The following CTNNA2 variants were observed in gnomAD, a reference collection of about 807,000 sequenced individuals.
CTNNA2 encodes catenin alpha 2.
A neutral mutation model predicts 101.0 loss-of-function variants in CTNNA2; 42 were observed. The ratio of observed to expected loss-of-function variants is 0.42; its 90% confidence interval spans 0.32 to 0.54. The LOEUF is 0.54. Among genes scored for constraint, CTNNA2 ranks in the 20% least tolerant of loss-of-function variants. CTNNA2 has a pLI of 0.14. For missense variants in CTNNA2, 871 were observed against 1,223.1 expected, an observed-to-expected ratio of 0.71 and a Z score of 4.29; for synonymous variants, 450 against 456.4, an observed-to-expected ratio of 0.99 and a Z score of 0.18.
At chr2:79,937,802 ATTTC>A (rs1190890415) in intron 7 of CTNNA2, among the ~76,000 whole-genome samples, 1 of 152,192 alleles carries the variant, frequency 6.6e-6, no homozygotes, top group Non-Finnish European at 1.5e-5. Context: ...AGAGGACTAC[ATTTC>A]TTTCTAAGTA....
At chr2:80,613,769 C>A (rs1327882620) in intron 17 of CTNNA2, among the ~76,000 whole-genome samples, 1 of 151,492 alleles carries the variant, frequency 6.6e-6, no homozygotes, top group Non-Finnish European at 1.5e-5. Flanking sequence ...AGCTAGGATG[C>A]AAATCAAGCA....
intron 7 of CTNNA2, among the ~76,000 whole-genome samples, chr2:80,264,839 G>A (rs1276251209): frequency 2.0e-5 from 3 of 152,112 alleles, no homozygotes; most frequent in Non-Finnish European, 4.4e-5. Context: ...CTCAAGGTTT[G>A]TAGGAACAGA....
chr2:79,260,359 G>A (rs938476012), intron 2 of CTNNA2, among the ~76,000 whole-genome samples: 1 of 152,158 alleles, frequency 6.6e-6, no homozygotes, highest in Non-Finnish European at 1.5e-5. Flanking sequence ...AATGGGTGCT[G>A]TAATCAAGCA....
At chr2:80,118,075 C>G (rs1701624720) in intron 7 of CTNNA2, among the ~76,000 whole-genome samples, 1 of 152,214 alleles carries the variant, frequency 6.6e-6, no homozygotes, top group Non-Finnish European at 1.5e-5. Context: ...TCCTCCCTCT[C>G]TCTCAACAGT....
intron 7 of CTNNA2, among the ~76,000 whole-genome samples, chr2:80,090,202 ATG>A (rs1699712238): frequency 1.4e-5 from 2 of 138,360 alleles, no homozygotes; most frequent in African/African-American, 2.7e-5. Context: ...GTGTGTATGC[ATG>A]TGTGTGTCTG....
chr2:80,279,468 G>A (rs1674193214), intron 7 of CTNNA2, among the ~76,000 whole-genome samples: 1 of 152,106 alleles, frequency 6.6e-6, no homozygotes. Context: ...TCTGTTTAAT[G>A]AGGGCATTAG....
chr2:79,879,993 A>G (rs1275529139), intron 6 of CTNNA2, among the ~76,000 whole-genome samples: 5 of 152,174 alleles, frequency 3.3e-5, no homozygotes, highest in Admixed American at 3.3e-4. Flanking sequence ...GGTATGTTCC[A>G]TCAATACTTA....
intron 4 of CTNNA2, among the ~76,000 whole-genome samples, chr2:79,401,373 A>G (rs1678288686): frequency 6.6e-6 from 1 of 151,642 alleles, no homozygotes; most frequent in Non-Finnish European, 1.5e-5. Flanking sequence ...CTCCTATTCA[A>G]TATGAGACAG....
At chr2:80,016,838 T>C (rs917778341) in intron 7 of CTNNA2, among the ~76,000 whole-genome samples, 9 of 152,204 alleles carry the variant, frequency 5.9e-5, no homozygotes, top group African/African-American at 2.2e-4. Flanking sequence ...AATGATAATC[T>C]GAGTTAATAG....
In CTNNA2 at chr2:80,401,861, C is replaced by T. The variant is rs1006928357; in HGVS notation, c.1137+8570C>T. On this transcript the variant is annotated intron_variant, in intron 8 of 18. Coordinates refer to ENST00000402739, the MANE Select transcript of CTNNA2 (RefSeq NM_001282597.3). ...CACACATTACCTCTAGTCACCAAAA[C>T]GTATGCGGTATGATTTTCCCTCACT... Among the ~76,000 whole-genome samples the T allele has an allele frequency of 4.6e-5, 7 of 151,900 alleles. No individual in the cohort carries two copies. In the East Asian group the frequency reaches 5.8e-4, roughly 13 times the overall value.
chr2:79,664,115 T>C (rs72923372), intron 2 of CTNNA2, among the ~76,000 whole-genome samples: 6,135 of 152,282 alleles, frequency 0.04, 404 homozygotes, highest in African/African-American at 0.14. Context: ...AATGTGTTTT[T>C]GTATGTTGAA....
chr2:80,060,428 C>A (rs1697504222), intron 7 of CTNNA2, among the ~76,000 whole-genome samples: 1 of 152,136 alleles, frequency 6.6e-6, no homozygotes, highest in South Asian at 2.1e-4. Flanking sequence ...TGCCTTGGAG[C>A]AGAAGCAGCT....
chr2:79,481,894 C>G, intron 4 of CTNNA2, among the ~76,000 whole-genome samples: 1 of 152,070 alleles, frequency 6.6e-6, no homozygotes, highest in East Asian at 1.9e-4. Context: ...GGAGGAGAAG[C>G]AACTGAAGAG....
At chr2:80,335,892 A>G (rs1290476354) in intron 7 of CTNNA2, among the ~76,000 whole-genome samples, 1 of 152,172 alleles carries the variant, frequency 6.6e-6, no homozygotes, top group Non-Finnish European at 1.5e-5. Flanking sequence ...AAGACCCAGA[A>G]AAGTTAAGAG....
chr2:79,413,144 A>G lies in CTNNA2; in HGVS notation c.-135+39131A>G, dbSNP rs564094162. Among the ~76,000 whole-genome samples the G allele has an allele frequency of 4.6e-5, 7 of 151,984 alleles. 1 individual carries two copies. Among genetic ancestry groups the G allele is most frequent in the South Asian group, 4.1e-4 (2 of 4,822 alleles). ...CTCTCTGTTTTGAGAGGTGTTTATT[A>G]TCATTGTTGTCATTTGCTTTTTTGC... is the stretch of plus-strand genomic sequence containing the variant. On this transcript the variant is annotated intron_variant, in intron 4 of 21. Transcript: ENST00000466387.
chr2:80,547,169 G>A (rs1047500404), intron 11 of CTNNA2, among the ~76,000 whole-genome samples: 6 of 152,156 alleles, frequency 3.9e-5, no homozygotes, highest in Non-Finnish European at 7.3e-5. Context: ...ACTGGGGCTT[G>A]TCTGAGAACT....
chr2:79,652,830 C>T (rs950829456), intron 2 of CTNNA2, among the ~76,000 whole-genome samples: 9 of 152,156 alleles, frequency 5.9e-5, no homozygotes, highest in Non-Finnish European at 1.2e-4. Context: ...ATTCTCAGGT[C>T]TCCAAAAGTC....
rs536357190 is a variant in CTNNA2, at chr2:80,016,299, G to A, written c.1056+106502G>A. On this transcript the variant is annotated intron_variant, in intron 7 of 18. Transcript: ENST00000402739. ...TGTTAAGCTATGGAGTCTAGTTAGA[G>A]AGTCAGCTTTGGAAGGCAGGGCGAC... Among the ~76,000 whole-genome samples, 141 of 152,302 alleles carry A rather than the reference G, an allele frequency of 9.3e-4. 1 individual carries two copies. Among genetic ancestry groups the A allele is most frequent in the African/African-American group, 3.2e-3 (135 of 41,570 alleles).
chr2:79,240,508 G>T (rs1431052377), intron 2 of CTNNA2, among the ~76,000 whole-genome samples: 1 of 152,126 alleles, frequency 6.6e-6, no homozygotes, highest in East Asian at 1.9e-4. Context: ...TTAGGATAAT[G>T]ACCTCCAGCT....
Sources: allele counts gnomAD v4.1 joint callset (sites outside exome capture counted in the v4.1 genomes callset), GRCh38; gene constraint gnomAD v4.1.1; transcripts MANE v1.5; gene names NCBI Gene and HGNC (gene_info 2026-07-23, HGNC 2026-07-21).